SLC44A5: variants seen among roughly 807,000 people sequenced by gnomAD.
SLC44A5 encodes solute carrier family 44 member 5, also known as choline transporter-like protein 5.
Under a neutral mutation model 101.8 loss-of-function variants are expected in SLC44A5, and 57 were observed. The observed-to-expected ratio is 0.56, with a 90% CI of 0.45 to 0.70. The LOEUF is 0.70. Ranked by LOEUF, SLC44A5 falls within the 30% of genes least tolerant of loss-of-function variation. The probability of loss-of-function intolerance (pLI) is 0.00; values close to 1 mark genes in which losing one functional copy is unlikely to be tolerated. For missense variants in SLC44A5, 737 were observed against 853.1 expected (o/e 0.86, Z 1.70); for synonymous variants, 281 against 290.9 (o/e 0.97, Z 0.35).
intron 2 of SLC44A5, among the ~76,000 whole-genome samples, chr1:75,484,610 G>A (rs896274806): frequency 2.0e-5 from 3 of 152,222 alleles, no homozygotes; most frequent in African/African-American, 7.2e-5. Flanking sequence ...CTAGGGTCTG[G>A]AGGATGGTGG....
chr1:75,386,902 G>A (rs575617308), intron 3 of SLC44A5, among the ~76,000 whole-genome samples: 5 of 151,910 alleles, frequency 3.3e-5, no homozygotes, highest in South Asian at 2.1e-4. Flanking sequence ...CAGAAATAAC[G>A]CCGCATATCT....
chr1:75,496,353 G>A (rs546980578), intron 2 of SLC44A5, among the ~76,000 whole-genome samples: 1 of 152,172 alleles, frequency 6.6e-6, no homozygotes, highest in East Asian at 1.9e-4. Context: ...AGACAATGGG[G>A]AAAAGACAGT....
At chr1:75,509,209 A>C (rs1398586268) in intron 2 of SLC44A5, among the ~76,000 whole-genome samples, 1 of 152,244 alleles carries the variant, frequency 6.6e-6, no homozygotes, top group African/African-American at 2.4e-5. Flanking sequence ...AGAAAACTCA[A>C]GACTTGGGAA....
chr1:75,646,815 G>C, the SLC44A5 span, among the ~76,000 whole-genome samples: 2 of 152,178 alleles, frequency 1.3e-5, no homozygotes, highest in South Asian at 4.1e-4. Context: ...GTGGAACTTT[G>C]AACTTGAGAG....
chr1:75,683,835 T>G, the SLC44A5 span, among the ~76,000 whole-genome samples: 1 of 151,970 alleles, frequency 6.6e-6, no homozygotes, highest in African/African-American at 2.4e-5. Context: ...ACATTTCCTC[T>G]ATAAAGACAT....
At chr1:75,708,371 G>A in the SLC44A5 span, among the ~76,000 whole-genome samples, 2 of 119,262 alleles carry the variant, frequency 1.7e-5, no homozygotes, top group Admixed American at 1.2e-4. Flanking sequence ...CCAAGATGGC[G>A]CCACTGCACT....
intron 4 of SLC44A5, among the ~76,000 whole-genome samples, chr1:75,308,543 A>C (rs769263534): frequency 2.6e-5 from 4 of 152,218 alleles, no homozygotes; most frequent in Non-Finnish European, 5.9e-5. Context: ...CAGTAGGTGG[A>C]AACCACTCTG....
intron 23 of SLC44A5, among the ~76,000 whole-genome samples, chr1:75,208,118 A>G (rs1319296105): frequency 6.6e-6 from 1 of 152,184 alleles, no homozygotes; most frequent in Non-Finnish European, 1.5e-5. Context: ...AAATAAACTT[A>G]TACTGAGGTT....
chr1:75,369,303 C>T (rs1660072616), intron 3 of SLC44A5, among the ~76,000 whole-genome samples: 1 of 152,088 alleles, frequency 6.6e-6, no homozygotes, highest in South Asian at 2.1e-4. Flanking sequence ...CAGGTGTGAG[C>T]CACTGCTCCT....
At chr1:75,695,301 G>A in the SLC44A5 span, among the ~76,000 whole-genome samples, 1 of 152,090 alleles carries the variant, frequency 6.6e-6, no homozygotes, top group African/African-American at 2.4e-5. Flanking sequence ...GATGCTTCTA[G>A]GTAAATTTAC....
the SLC44A5 span, among the ~76,000 whole-genome samples, chr1:75,664,574 A>C: frequency 6.6e-6 from 1 of 152,166 alleles, no homozygotes; most frequent in Non-Finnish European, 1.5e-5. Flanking sequence ...AAATAAAATA[A>C]AATAAAATAT....
At chr1:75,351,868 A>AAAAAAAG (rs1553165361) in intron 3 of SLC44A5, among the ~76,000 whole-genome samples, 3 of 58,458 alleles carry the variant, frequency 5.1e-5, no homozygotes, top group Non-Finnish European at 7.4e-5. Context: ...AAAAAAAAAA[A>AAAAAAAG]AGAGAGAGAG....
upstream of SLC44A5, among the ~76,000 whole-genome samples, chr1:75,613,911 C>G (rs1043573111): frequency 6.6e-5 from 10 of 152,204 alleles, no homozygotes; most frequent in African/African-American, 2.4e-4. Flanking sequence ...TTTCATCAAT[C>G]TAATTGTATC....
chr1:75,587,563 C>T (rs1674082320), intron 1 of SLC44A5, among the ~76,000 whole-genome samples: 1 of 152,194 alleles, frequency 6.6e-6, no homozygotes. Context: ...TCACCTGTGT[C>T]AAGAGATACC....
the SLC44A5 span, among the ~76,000 whole-genome samples, chr1:75,680,082 C>T: frequency 2.0e-5 from 3 of 152,290 alleles, no homozygotes; most frequent in Middle Eastern, 3.4e-3. Context: ...TATACATGCA[C>T]CCAATACAGG....
At chr1:75,362,066 C>A (rs1659525070) in intron 3 of SLC44A5, among the ~76,000 whole-genome samples, 1 of 151,806 alleles carries the variant, frequency 6.6e-6, no homozygotes, top group Non-Finnish European at 1.5e-5. Flanking sequence ...GAATTTATTT[C>A]TTTTAGGTTA....
At chr1:75,479,577 T>A (rs1357530466) in intron 2 of SLC44A5, among the ~76,000 whole-genome samples, 20 of 152,204 alleles carry the variant, frequency 1.3e-4, no homozygotes, top group African/African-American at 4.6e-4. Flanking sequence ...ATATCACCAC[T>A]GATCCCACAG....
chr1:75,665,958 T>C, the SLC44A5 span, among the ~76,000 whole-genome samples: 2 of 151,868 alleles, frequency 1.3e-5, no homozygotes, highest in African/African-American at 4.8e-5. Flanking sequence ...TATTAAAATG[T>C]CAAAAAAACA....
chr1:75,306,572 C>A lies in SLC44A5; in HGVS notation c.102-5887G>T, dbSNP rs561569404. Among the ~76,000 whole-genome samples the A allele has an allele frequency of 1.8e-4, 28 of 151,624 alleles. 1 individual carries two copies. The highest frequency in any genetic ancestry group is 2.7e-4 in the Non-Finnish European group (18 of 67,892). On this transcript the variant is annotated intron_variant, in intron 4 of 23. Transcript: ENST00000370859. ...AAAACAAATGCAAACAAAAAAAAAA[C>A]CAATTAGATTTAATTTAGAGGTAAT...
Sources: allele counts gnomAD v4.1 joint callset (sites outside exome capture counted in the v4.1 genomes callset), GRCh38; gene constraint gnomAD v4.1.1; transcripts MANE v1.5; gene names NCBI Gene and HGNC (gene_info 2026-07-23, HGNC 2026-07-21).